ASIC2: variants seen among roughly 807,000 people sequenced by gnomAD.
The protein encoded by ASIC2 is acid sensing ion channel subunit 2.
Under a neutral mutation model 57.3 loss-of-function variants are expected in ASIC2, and 25 were observed. The observed-to-expected ratio is 0.44, with a 90% CI of 0.32 to 0.61. The LOEUF is 0.61. Ranked by LOEUF, ASIC2 falls within the 20% of genes least tolerant of loss-of-function variation. The pLI is 0.06. For synonymous variants in ASIC2, 319 were observed against 307.5 expected (o/e 1.04, Z -0.39); for missense variants, 641 against 738.1 (o/e 0.87, Z 1.52).
chr17:33,596,958 C>G (rs571977849), intron 1 of ASIC2, among the ~76,000 whole-genome samples: 33 of 152,300 alleles, frequency 2.2e-4, no homozygotes, highest in Admixed American at 1.1e-3. Flanking sequence ...TCAAAAAGAC[C>G]CAGGATTTCT....
At chr17:33,329,369 A>C (rs1907211545) in intron 1 of ASIC2, among the ~76,000 whole-genome samples, 1 of 152,186 alleles carries the variant, frequency 6.6e-6, no homozygotes, top group East Asian at 1.9e-4. Flanking sequence ...TTGGCTGGGA[A>C]GTTCATGACC....
chr17:33,499,009 G>A (rs1481330612), intron 1 of ASIC2, among the ~76,000 whole-genome samples: 1 of 152,200 alleles, frequency 6.6e-6, no homozygotes. Flanking sequence ...GAAAGACAGG[G>A]GTACTGCTTA....
chr17:33,063,498 C>T (rs1439229207), intron 3 of ASIC2, among the ~76,000 whole-genome samples: 1 of 152,012 alleles, frequency 6.6e-6, no homozygotes, highest in Non-Finnish European at 1.5e-5. Context: ...CCCCCCCTCT[C>T]TTCTGGCTTG....
chr17:33,925,117 G>C (rs949381851), intron 1 of ASIC2, among the ~76,000 whole-genome samples: 3 of 152,224 alleles, frequency 2.0e-5, no homozygotes, highest in East Asian at 3.8e-4. Flanking sequence ...GGCCTTTCCA[G>C]TGCATGGGCA....
At chr17:33,655,370 CAG>C (rs1205510346) in intron 1 of ASIC2, among the ~76,000 whole-genome samples, 5 of 152,224 alleles carry the variant, frequency 3.3e-5, no homozygotes, top group African/African-American at 1.2e-4. Flanking sequence ...CCAGAAATCC[CAG>C]AAGTCTGTCT....
intron 1 of ASIC2, among the ~76,000 whole-genome samples, chr17:33,236,488 T>C (rs577883272): frequency 2.6e-5 from 4 of 152,120 alleles, no homozygotes; most frequent in Admixed American, 6.5e-5. Flanking sequence ...AGACTACAGG[T>C]GCACGCTACT....
intron 1 of ASIC2, among the ~76,000 whole-genome samples, chr17:33,600,480 GC>G (rs1447354872): frequency 6.6e-6 from 1 of 152,176 alleles, no homozygotes; most frequent in East Asian, 1.9e-4. Context: ...TGTGGCTATT[GC>G]TATAACAAAT....
At chr17:33,959,361 G>C (rs1597949953) in intron 1 of ASIC2, among the ~76,000 whole-genome samples, 1 of 152,188 alleles carries the variant, frequency 6.6e-6, no homozygotes, top group South Asian at 2.1e-4. Context: ...TAGAGGAACA[G>C]AACTAATAGG....
intron 1 of ASIC2, among the ~76,000 whole-genome samples, chr17:33,302,437 T>A (rs1216018701): frequency 6.6e-6 from 1 of 152,184 alleles, no homozygotes; most frequent in Non-Finnish European, 1.5e-5. Context: ...CTCACCTGGC[T>A]CTCACCTCTG....
intron 1 of ASIC2, among the ~76,000 whole-genome samples, chr17:33,759,591 C>T (rs574546464): frequency 6.6e-6 from 1 of 152,276 alleles, no homozygotes; most frequent in Non-Finnish European, 1.5e-5. Flanking sequence ...TTTGAGGCTG[C>T]CCCTCCCATC....
In ASIC2 at chr17:33,943,584, C is replaced by T. The variant is rs553442608; in HGVS notation, c.555+212394G>A. 1.2e-4 allele frequency among the ~76,000 whole-genome samples: 18 copies of T among 152,002 alleles called. No homozygotes were observed. The South Asian group carries it at 3.7e-3, about 32-fold the overall frequency. On this transcript the variant is annotated intron_variant, in intron 1 of 9. Coordinates refer to the ASIC2 transcript ENST00000359872. ...TAACAGACTTGGATTCAAATTTAAACCTCCTGACACCAAATCCTGCAGTTT... is the reference window on the plus strand; with the variant it reads ...TAACAGACTTGGATTCAAATTTAAATCTCCTGACACCAAATCCTGCAGTTT...
intron 1 of ASIC2, chr17:33,571,919 TGGGG>T (rs1382152915): frequency 6.6e-6 from 1 of 152,244 alleles, no homozygotes; most frequent in African/African-American, 2.4e-5. Context: ...CTTGTTTAGA[TGGGG>T]TTGTTCACTG....
intron 1 of ASIC2, among the ~76,000 whole-genome samples, chr17:33,380,017 G>T (rs1909423047): frequency 6.6e-6 from 1 of 152,064 alleles, no homozygotes; most frequent in South Asian, 2.1e-4. Flanking sequence ...AGGCTGAGGT[G>T]GGCAGATCAC....
chr17:33,488,897 T>A (rs1913661909), intron 1 of ASIC2, among the ~76,000 whole-genome samples: 1 of 152,140 alleles, frequency 6.6e-6, no homozygotes, highest in Non-Finnish European at 1.5e-5. Context: ...GCCTCTCTGA[T>A]GGGGTCTTCT....
At chr17:33,636,294 C>T (rs1906361659) in intron 1 of ASIC2, among the ~76,000 whole-genome samples, 1 of 152,102 alleles carries the variant, frequency 6.6e-6, no homozygotes, top group Non-Finnish European at 1.5e-5. Flanking sequence ...TAAGGATATC[C>T]TGAGTTTGAC....
chr17:33,867,300 C>G (rs1385170677), intron 1 of ASIC2, among the ~76,000 whole-genome samples: 1 of 152,208 alleles, frequency 6.6e-6, no homozygotes, highest in Non-Finnish European at 1.5e-5. Context: ...AACAACTCCT[C>G]TTTCCTGATC....
chr17:33,016,377 AC>A (rs1336233797), intron 8 of ASIC2, among the ~76,000 whole-genome samples: 2 of 151,358 alleles, frequency 1.3e-5, no homozygotes, highest in African/African-American at 2.4e-5. Context: ...CAGCCTTGGG[AC>A]CCCCTTTCTG....
intron 1 of ASIC2, among the ~76,000 whole-genome samples, chr17:33,949,737 G>T (rs1046677299): frequency 3.9e-5 from 6 of 152,166 alleles, no homozygotes; most frequent in South Asian, 2.1e-4. Flanking sequence ...ATGTGGGATC[G>T]TGTTTGGTAC....
intron 1 of ASIC2, among the ~76,000 whole-genome samples, chr17:33,676,221 C>G (rs908144263): frequency 2.0e-5 from 3 of 152,174 alleles, no homozygotes; most frequent in Admixed American, 6.5e-5. Flanking sequence ...TTCCCTGAGA[C>G]ACAACAATAT....
Sources: gnomAD v4.1 joint callset for allele counts (sites outside exome capture counted in the v4.1 genomes callset) on GRCh38, gnomAD v4.1.1 for gene constraint, MANE v1.5 for transcripts, NCBI Gene and HGNC (gene_info 2026-07-23, HGNC 2026-07-21) for gene names.